The following PRKN variants were observed in gnomAD, a reference collection of about 807,000 sequenced individuals.
The protein encoded by PRKN is parkin RBR E3 ubiquitin protein ligase.
A neutral mutation model predicts 59.5 loss-of-function variants in PRKN; 56 were observed. The ratio of observed to expected loss-of-function variants is 0.94; its 90% CI spans 0.76 to 1.18. The LOEUF is 1.18. Ranked by LOEUF, PRKN falls within the 50% of genes most tolerant of loss-of-function variation. PRKN has a pLI of 0.00. For missense variants in PRKN, 657 were observed against 596.4 expected (o/e 1.10, Z -1.06); for synonymous variants, 250 against 222.1 (o/e 1.13, Z -1.12).
intron 1 of PRKN, among the ~76,000 whole-genome samples, chr6:162,700,761 C>T (rs796741906): frequency 6.6e-5 from 10 of 152,048 alleles, no homozygotes; most frequent in African/African-American, 1.4e-4. Context: ...TTATATCTAT[C>T]GCACATCTTT....
intron 1 of PRKN, among the ~76,000 whole-genome samples, chr6:162,702,338 A>G (rs780357433): frequency 5.9e-5 from 9 of 152,110 alleles, no homozygotes; most frequent in Admixed American, 1.3e-4. Context: ...TTTCAAAAAA[A>G]TTCATATTCT....
chr6:161,948,604 A>G (rs1434394119), intron 6 of PRKN, among the ~76,000 whole-genome samples: 1 of 152,222 alleles, frequency 6.6e-6, no homozygotes, highest in Non-Finnish European at 1.5e-5. Flanking sequence ...TTCTCTGTGG[A>G]AAATCAGATA....
intron 1 of PRKN, among the ~76,000 whole-genome samples, chr6:162,638,846 G>C (rs2846564): frequency 0.54 from 79,934 of 148,980 alleles, 22,022 homozygotes; most frequent in African/African-American, 0.64. Flanking sequence ...CCGGGTTCAA[G>C]CGATTCTCCT....
intron 4 of PRKN, among the ~76,000 whole-genome samples, chr6:162,122,229 C>T (rs1361216114): frequency 2.0e-5 from 3 of 152,138 alleles, no homozygotes; most frequent in African/African-American, 7.2e-5. Context: ...CAGAGCTATG[C>T]TTGGGCAGCA....
Position 161,359,704 on chromosome 6 carries a change from C to A in PRKN, c.1285+384G>T, listed in dbSNP as rs1189114477. The stretch of plus-strand genomic sequence containing the variant: ...GCTGGGGAAGGCTACAGACTGACGG[C>A]CGGCAGACAACAGGGTCATACGGTG... On this transcript the variant is annotated intron_variant, in intron 11 of 11. Coordinates refer to ENST00000366898, the MANE Select transcript of PRKN (RefSeq NM_004562.3). This position sits in a 1 kb window ranked among gnomAD's most constrained non-coding sequence, Gnocchi z 5.4. 6.6e-6 allele frequency among the ~76,000 whole-genome samples: 1 copy of A among 152,100 alleles called. No homozygotes were observed. The highest frequency in any genetic ancestry group is 1.5e-5 in the Non-Finnish European group (1 of 68,008).
At chr6:161,740,777 G>A (rs191207225) in intron 7 of PRKN, among the ~76,000 whole-genome samples, 31 of 152,290 alleles carry the variant, frequency 2.0e-4, no homozygotes, top group African/African-American at 7.0e-4. Flanking sequence ...TGGTCATTAA[G>A]GAATTTATCA....
rs1786592955 is a variant in PRKN at position 161,393,139 on chromosome 6, A to C, written c.1084-6262T>G. Among the ~76,000 whole-genome samples, 1 of 152,278 alleles carries C rather than the reference A, an allele frequency of 6.6e-6. No individual in the cohort carries two copies. Among genetic ancestry groups the C allele is most frequent in the African/African-American group, 2.4e-5 (1 of 41,522 alleles). On this transcript the variant is annotated intron_variant, in intron 9 of 11. Coordinates refer to ENST00000366898, the MANE Select transcript of PRKN (RefSeq NM_004562.3). The surrounding 1 kb of genome is among the most constrained non-coding windows in gnomAD (Gnocchi z 4.7). ...GCATCTACAAAGAAGAAATAATAAG[A>C]TAAAGAATATTTAACACAGTTTCTG...
At chr6:162,572,450 T>C (rs1036668276) in intron 1 of PRKN, among the ~76,000 whole-genome samples, 5 of 152,314 alleles carry the variant, frequency 3.3e-5, no homozygotes, top group African/African-American at 1.2e-4. Context: ...GCTCCAGCTG[T>C]CATCTGCAGA....
chr6:162,677,726 T>A (rs760465725), intron 1 of PRKN, among the ~76,000 whole-genome samples: 4 of 152,122 alleles, frequency 2.6e-5, no homozygotes, highest in Non-Finnish European at 5.9e-5. Context: ...CTGCATCAAC[T>A]CAGGAGGTGT....
At chr6:162,590,355 C>T (rs1473153071) in intron 1 of PRKN, among the ~76,000 whole-genome samples, 2 of 152,068 alleles carry the variant, frequency 1.3e-5, no homozygotes, top group Admixed American at 6.6e-5. Flanking sequence ...ATTTTAAATA[C>T]CTGCTGATAA....
intron 3 of PRKN, among the ~76,000 whole-genome samples, chr6:162,235,934 GAAGGAAGGAAGGAAGGAAGA>G (rs1474149128): frequency 8.0e-5 from 7 of 88,024 alleles, no homozygotes; most frequent in African/African-American, 2.7e-4. Context: ...AGGAAGGAAG[GAAGGAAGGAAGGAAGGAAGA>G]AAGGAAGAAA....
intron 1 of PRKN, among the ~76,000 whole-genome samples, chr6:162,573,350 T>C (rs573961308): frequency 2.6e-5 from 4 of 152,214 alleles, no homozygotes; most frequent in South Asian, 2.1e-4. Context: ...AGGAGCTGAT[T>C]TGGAGATCTT....
chr6:162,035,632 T>C (rs1783809984), intron 5 of PRKN, among the ~76,000 whole-genome samples: 1 of 152,176 alleles, frequency 6.6e-6, no homozygotes, highest in Non-Finnish European at 1.5e-5. Flanking sequence ...ATTTGGAGAA[T>C]TTACTATAGC....
chr6:162,653,406 A>G (rs1189645799), intron 1 of PRKN, among the ~76,000 whole-genome samples: 4 of 152,130 alleles, frequency 2.6e-5, no homozygotes, highest in African/African-American at 4.8e-5. Flanking sequence ...GATTTTTCAT[A>G]ATAATTTTTT....
intron 3 of PRKN, among the ~76,000 whole-genome samples, chr6:162,218,380 C>T (rs1777791413): frequency 6.6e-6 from 1 of 152,044 alleles, no homozygotes; most frequent in South Asian, 2.1e-4. Flanking sequence ...GTGTGGGAAG[C>T]CCAGCACTGT....
At chr6:161,648,200 AT>A (rs1201074623) in intron 7 of PRKN, among the ~76,000 whole-genome samples, 1 of 152,188 alleles carries the variant, frequency 6.6e-6, no homozygotes, top group African/African-American at 2.4e-5. Context: ...TTGCCTTATT[AT>A]TTTTTTAAAC....
intron 7 of PRKN, among the ~76,000 whole-genome samples, chr6:161,573,795 T>TAA (rs1288427690): frequency 1.3e-4 from 13 of 98,624 alleles, no homozygotes; most frequent in Admixed American, 2.3e-4. Context: ...TATATATATA[T>TAA]AAAACTTCAT....
intron 2 of PRKN, among the ~76,000 whole-genome samples, chr6:162,276,847 C>A (rs530044550): frequency 6.6e-6 from 1 of 152,172 alleles, no homozygotes; most frequent in African/African-American, 2.4e-5. Flanking sequence ...CACAACCATA[C>A]AGTAACCTCA....
chr6:161,630,347 T>C (rs982654759), intron 7 of PRKN, among the ~76,000 whole-genome samples: 10 of 152,176 alleles, frequency 6.6e-5, no homozygotes, highest in African/African-American at 2.4e-4. Context: ...TGTAGAGCCG[T>C]AGATGAGATG....
Sources: allele counts gnomAD v4.1 joint callset (sites outside exome capture counted in the v4.1 genomes callset), GRCh38; gene constraint gnomAD v4.1.1; non-coding constraint Gnocchi (gnomAD v3.1); transcripts MANE v1.5; gene names NCBI Gene and HGNC (gene_info 2026-07-23, HGNC 2026-07-21).